Variants in SLC29A3 observed in about 807,000 individuals in gnomAD.
SLC29A3 encodes solute carrier family 29 member 3.
SLC29A3 carries 18 observed loss-of-function variants against 25.4 expected under a neutral mutation model. The observed-to-expected ratio is 0.71, with a 90% CI of 0.49 to 1.05. The LOEUF (loss-of-function observed/expected upper bound fraction) is 1.05. Ranked by LOEUF, SLC29A3 falls within the 50% of genes least tolerant of loss-of-function variation. The pLI is 0.00. For synonymous variants in SLC29A3, 258 were observed against 267.1 expected (o/e 0.97, Z 0.33); for missense variants, 586 against 609.0 (o/e 0.96, Z 0.40).
chr10:71,319,372 C>T, intron 1 of SLC29A3, 62 bp downstream of exon 1: 2 of 601,652 alleles, frequency 3.3e-6, no homozygotes, highest in Non-Finnish European at 2.9e-6. Flanking sequence ...GACTCGCGCT[C>T]AGCGACCTCC....
chr10:71,323,338 T>C (rs1267594714), intron 2 of SLC29A3, among the ~76,000 whole-genome samples: 1 of 152,200 alleles, frequency 6.6e-6, no homozygotes, highest in Non-Finnish European at 1.5e-5. Context: ...AGATGGAAGG[T>C]CATTTTTCTC....
At chr10:71,364,433 A>T (rs140587726), downstream of SLC29A3, 2 of 152,130 alleles carry the variant, frequency 1.3e-5, no homozygotes, top group African/African-American at 4.8e-5. Context: ...AGAGTAATTT[A>T]TATTTTTTTC....
chr10:71,336,234 C>T (rs898850543), intron 2 of SLC29A3, among the ~76,000 whole-genome samples: 10 of 152,154 alleles, frequency 6.6e-5, no homozygotes, highest in African/African-American at 2.4e-4. Flanking sequence ...AGGGGTCATT[C>T]CTCCTCCAGT....
At position 71,371,635 on chromosome 10, in the gene SLC29A3, A is replaced by G. The variant is rs557670160; in HGVS notation, c.*95-4060A>G. ...TTAAGAGCAGGGACTTAGAAGCCAG[A>G]CTGCCTGATTTTGAACCCCGACTCT... On this transcript the variant is annotated intron_variant and NMD_transcript_variant, in intron 3 of 4. Transcript: ENST00000642772. Among the ~76,000 whole-genome samples the G allele has an allele frequency of 7.9e-5, 12 of 152,296 alleles. No individual in the cohort carries two copies. The South Asian group carries it at 2.3e-3, about 29-fold the overall frequency.
At chr10:71,338,827 G>A (rs866706494) in intron 2 of SLC29A3, among the ~76,000 whole-genome samples, 24 of 152,212 alleles carry the variant, frequency 1.6e-4, no homozygotes, top group Non-Finnish European at 2.4e-4. Flanking sequence ...CTTAGGGCCA[G>A]GTAGAAGAAA....
chr10:71,327,682 G>C (rs1388444554), intron 2 of SLC29A3, among the ~76,000 whole-genome samples: 1 of 151,926 alleles, frequency 6.6e-6, no homozygotes, highest in African/African-American at 2.4e-5. Context: ...AGAGTGGTAT[G>C]TAGGGTACTA....
rs547535876 is a variant in SLC29A3 at position 71,377,972 on chromosome 10, G to T, written c.*212-1794G>T. Among the ~76,000 whole-genome samples, 38 of 151,844 alleles carry T rather than the reference G, an allele frequency of 2.5e-4. No individual in the cohort carries two copies. In the East Asian group the frequency reaches 6.4e-3, roughly 26 times the overall value. On this transcript the variant is annotated intron_variant and NMD_transcript_variant, in intron 4 of 4. Transcript: ENST00000642772. Reference sequence around the variant, plus strand: ...ACTTGGGTGGGCATGAACTCAGGTGGCTTGAGTTCTTAATGAGTCAAACCG... The same window carrying T: ...ACTTGGGTGGGCATGAACTCAGGTGTCTTGAGTTCTTAATGAGTCAAACCG...
intron 2 of SLC29A3, among the ~76,000 whole-genome samples, chr10:71,325,915 C>CTTTTTTTT (rs5786034): frequency 8.2e-6 from 1 of 122,648 alleles, no homozygotes; most frequent in African/African-American, 3.2e-5. Flanking sequence ...TATATTAGTA[C>CTTTTTTTT]TTTTTTTTTT....
At chr10:71,352,174 T>C (rs936529850) in intron 4 of SLC29A3, among the ~76,000 whole-genome samples, 2 of 152,134 alleles carry the variant, frequency 1.3e-5, no homozygotes, top group Admixed American at 1.3e-4. Flanking sequence ...ATGGCAACTT[T>C]GACTTCCTCA....
downstream of SLC29A3, chr10:71,363,470 A>G (rs574000639): frequency 4.1e-5 from 16 of 390,480 alleles, no homozygotes; most frequent in Non-Finnish European, 6.1e-5. Flanking sequence ...TTTAAAATTT[A>G]TTATTATTAT....
At chr10:71,327,211 C>G (rs768533045) in intron 2 of SLC29A3, among the ~76,000 whole-genome samples, 4 of 152,198 alleles carry the variant, frequency 2.6e-5, no homozygotes, top group Non-Finnish European at 5.9e-5. Flanking sequence ...TACCCAGACA[C>G]CCTCTCCCCC....
intron 2 of SLC29A3, among the ~76,000 whole-genome samples, chr10:71,339,686 C>A (rs1408267708): frequency 6.6e-6 from 1 of 152,140 alleles, no homozygotes; most frequent in East Asian, 1.9e-4. Context: ...GGCATCCTCA[C>A]TGGTGGGGAA....
chr10:71,327,985 C>T (rs1846010698), intron 2 of SLC29A3, among the ~76,000 whole-genome samples: 1 of 152,132 alleles, frequency 6.6e-6, no homozygotes, highest in Non-Finnish European at 1.5e-5. Flanking sequence ...TGGCCAAGAA[C>T]AAAACAGTGA....
intron 5 of SLC29A3, among the ~76,000 whole-genome samples, chr10:71,357,833 T>A (rs1280532376): frequency 6.6e-6 from 1 of 152,204 alleles, no homozygotes; most frequent in Non-Finnish European, 1.5e-5. Context: ...CTATCTTATT[T>A]GATGTAGGAA....
downstream of SLC29A3, among the ~76,000 whole-genome samples, chr10:71,367,691 G>T (rs1364777665): frequency 6.6e-6 from 1 of 152,178 alleles, no homozygotes; most frequent in Admixed American, 6.5e-5. Flanking sequence ...AGTGACAAAG[G>T]TAGCCATACT....
At chr10:71,329,492 A>G (rs1846070811) in intron 2 of SLC29A3, among the ~76,000 whole-genome samples, 1 of 151,148 alleles carries the variant, frequency 6.6e-6, no homozygotes, top group Non-Finnish European at 1.5e-5. Flanking sequence ...AATACCCCAC[A>G]TCCCACGTGT....
intron 2 of SLC29A3, among the ~76,000 whole-genome samples, chr10:71,331,047 C>T (rs546954718): frequency 8.5e-5 from 13 of 152,142 alleles, no homozygotes; most frequent in East Asian, 1.9e-4. Context: ...TCAGCATTTT[C>T]GAAATTTTTT....
chr10:71,356,005 C>T (rs1846895206), intron 4 of SLC29A3, 76 bp from the exon 5 acceptor site: 2 of 1,559,440 alleles, frequency 1.3e-6, no homozygotes, highest in Middle Eastern at 2.2e-4. Context: ...TTTGTGAAAC[C>T]CAAGCAGGGA....
chr10:71,373,040 G>A (rs1847223354), intron 3 of SLC29A3, among the ~76,000 whole-genome samples: 2 of 152,144 alleles, frequency 1.3e-5, no homozygotes, highest in South Asian at 4.1e-4. Flanking sequence ...GTGGGTGAGG[G>A]GTGCGGGGCT....
Sources: allele counts gnomAD v4.1 joint callset (sites outside exome capture counted in the v4.1 genomes callset), GRCh38; gene constraint gnomAD v4.1.1; transcripts MANE v1.5; gene names NCBI Gene and HGNC (gene_info 2026-07-23, HGNC 2026-07-21).